Variants in DSTYK observed in about 807,000 individuals in gnomAD.
DSTYK encodes dual serine/threonine and tyrosine protein kinase.
A neutral mutation model predicts 98.7 loss-of-function variants in DSTYK; 34 were observed. The ratio of observed to expected loss-of-function variants is 0.34; its 90% CI spans 0.26 to 0.46. The LOEUF is 0.46. DSTYK is among the 20% of genes least tolerant of loss of function. DSTYK has a pLI of 1.00. For synonymous variants in DSTYK, 462 were observed against 457.3 expected, an observed-to-expected ratio of 1.01 and a Z score of -0.13; for missense variants, 962 against 1,181.7, an observed-to-expected ratio of 0.81 and a Z score of 2.73.
At chr1:205,211,219 G>C in intron 1 of DSTYK, 52 bp downstream of exon 1, 1 of 1,533,578 alleles carries the variant, frequency 6.5e-7, no homozygotes, top group South Asian at 1.2e-5. Flanking sequence ...GGTGCGGTCC[G>C]TCCTCCGATT....
chr1:205,157,211 C>A (rs963007114), intron 10 of DSTYK, 62 bp downstream of exon 10: 2 of 1,403,462 alleles, frequency 1.4e-6, no homozygotes, highest in Non-Finnish European at 1.0e-6. Flanking sequence ...TTTACATGTA[C>A]CCTCCAAAAT....
At chr1:205,204,607 T>C (rs936160788) in intron 1 of DSTYK, among the ~76,000 whole-genome samples, 2 of 152,200 alleles carry the variant, frequency 1.3e-5, no homozygotes, top group Non-Finnish European at 2.9e-5. Flanking sequence ...TTTATTGAGA[T>C]ATAATTCACC....
chr1:205,189,781 G>A (rs967065124), intron 1 of DSTYK, among the ~76,000 whole-genome samples: 3 of 152,084 alleles, frequency 2.0e-5, no homozygotes, highest in Non-Finnish European at 2.9e-5. Flanking sequence ...AGCCTGGCCC[G>A]CACATATACA....
intron 6 of DSTYK, 77 bp from the exon 7 acceptor site, chr1:205,161,464 A>G (rs1178109955): frequency 5.0e-6 from 7 of 1,406,070 alleles, no homozygotes; most frequent in Non-Finnish European, 6.9e-6. Flanking sequence ...CAGGGATAAT[A>G]ATATCTACTT....
intron 4 of DSTYK, among the ~76,000 whole-genome samples, chr1:205,163,478 CA>C (rs1657795474): frequency 6.6e-6 from 1 of 152,242 alleles, no homozygotes; most frequent in Non-Finnish European, 1.5e-5. Flanking sequence ...CTCAGCCTCC[CA>C]AAGTGCTGGG....
intron 7 of DSTYK, 53 bp downstream of exon 7, chr1:205,161,205 T>A: frequency 6.2e-7 from 1 of 1,600,264 alleles, no homozygotes; most frequent in Admixed American, 1.7e-5. Context: ...GACATAAGAA[T>A]GTCAGGTATC....
At chr1:205,164,051 GTGA>G in intron 3 of DSTYK, 96 bp from the exon 4 acceptor site, 1 of 998,922 alleles carries the variant, frequency 1.0e-6, no homozygotes, top group Non-Finnish European at 1.5e-6. Flanking sequence ...TGGAACTACC[GTGA>G]TGATGATGGC....
Position 205,143,054 on chromosome 1 carries a change from T to C in DSTYK, c.*4504A>G, listed in dbSNP as rs576646318. ...CCTCCAGGAGAGTTTGGAATACAAG[T>C]GTCTCAAGGCCACTCCCTCCTTACC... On this transcript the variant is annotated 3_prime_UTR_variant, in exon 13 of 13. Coordinates refer to ENST00000367162, the MANE Select transcript of DSTYK (RefSeq NM_015375.3). 6.6e-6 allele frequency: 1 copy of C among 152,270 alleles called. No individual in the cohort carries two copies. Among genetic ancestry groups the C allele is most frequent in the East Asian group, 1.9e-4 (1 of 5,184 alleles). The allele number at this position is 152,270 out of a possible 1,614,324, so 9.4% of individuals were successfully genotyped here.
intron 12 of DSTYK, 116 bp from the exon 13 acceptor site, chr1:205,147,861 G>A: frequency 9.6e-7 from 1 of 1,041,988 alleles, no homozygotes; most frequent in South Asian, 1.7e-5. Context: ...AGAATGCAAG[G>A]AGTTTTGACT....
rs1657253321 is a variant in DSTYK at position 205,146,887 on chromosome 1, T to C, written c.*671A>G. 1 of 151,332 alleles carries C rather than the reference T, an allele frequency of 6.6e-6. No homozygotes were observed. Among genetic ancestry groups the C allele is most frequent in the Non-Finnish European group, 1.5e-5 (1 of 67,846 alleles). The allele number at this position is 151,332 out of a possible 1,614,324, so 9.4% of individuals were successfully genotyped here. On this transcript the variant is annotated 3_prime_UTR_variant, in exon 13 of 13. Coordinates refer to ENST00000367162, the MANE Select transcript of DSTYK (RefSeq NM_015375.3). Reference sequence around the variant, plus strand: ...TGCCTGGCCTCTTTTTTTTTTTTTTTCCTCTTTTCAGGGCCTCTTGGTGAT... The same window carrying C: ...TGCCTGGCCTCTTTTTTTTTTTTTTCCCTCTTTTCAGGGCCTCTTGGTGAT...
In DSTYK at chr1:205,143,738, T is replaced by C. The variant is rs978516747; in HGVS notation, c.*3820A>G. 2 of 152,600 alleles carry C rather than the reference T, an allele frequency of 1.3e-5. No individual in the cohort carries two copies. The highest frequency in any genetic ancestry group is 2.9e-5 in the Non-Finnish European group (2 of 68,042). The allele number at this position is 152,600 out of a possible 1,614,324, so 9.5% of individuals were successfully genotyped here. A position where few individuals can be genotyped will look rare whatever the true frequency, so the allele number is the denominator to read the frequency against. ...CACTTCTTCCATGAGGAAGAACACT[T>C]TGTGACCCTTCTTTGGCAGCTCAAG... On this transcript the variant is annotated 3_prime_UTR_variant, in exon 13 of 13. Transcript: ENST00000367162.
chr1:205,172,568 G>A (rs530503547), intron 2 of DSTYK, among the ~76,000 whole-genome samples: 2 of 151,734 alleles, frequency 1.3e-5, no homozygotes, highest in Non-Finnish European at 2.9e-5. Flanking sequence ...CTGCGCCTCA[G>A]CCTCCCAAAG....
rs1402053358 is a variant in DSTYK, at chr1:205,143,983, T to G, written c.*3575A>C. On this transcript the variant is annotated 3_prime_UTR_variant, in exon 13 of 13. Transcript: ENST00000367162. ...CTGGGAACAACCAGCACAGTCCTCCTGAAGCGCTTGCTCAGTCAATGAGCT... is the reference window on the plus strand; with the variant it reads ...CTGGGAACAACCAGCACAGTCCTCCGGAAGCGCTTGCTCAGTCAATGAGCT... 1 of 152,654 alleles carries G rather than the reference T, an allele frequency of 6.6e-6. No individual in the cohort carries two copies. The allele number at this position is 152,654 out of a possible 1,614,324, so 9.5% of individuals were successfully genotyped here. A position where few individuals can be genotyped will look rare whatever the true frequency, so the allele number is the denominator to read the frequency against.
At chr1:205,155,324 A>G (rs553521672) in intron 10 of DSTYK, among the ~76,000 whole-genome samples, 91 of 152,194 alleles carry the variant, frequency 6.0e-4, no homozygotes, top group African/African-American at 2.1e-3. Context: ...AAGAGGAGGC[A>G]GAGCATAATA....
Position 205,211,369 on chromosome 1 carries a change from T to C in DSTYK, c.167A>G (p.Lys56Arg), listed in dbSNP as rs1039031767. The part of the protein sequence containing the change: ...RETQKFFRDI[K>R]CSHNHTCLSS... Reference sequence around the variant, plus strand: ...GAGACAAGTGTGGTTGTGGGAGCACTTGATGTCGCGGAAGAACTTCTGGGT... The same window carrying C: ...GAGACAAGTGTGGTTGTGGGAGCACCTGATGTCGCGGAAGAACTTCTGGGT... The change falls in exon 1 of 13, where the codon AAG becomes AGG. Residue 56 changes from lysine to arginine, a missense_variant. Around this residue, in one of 4 missense-constraint regions of DSTYK, gnomAD observed 168 missense variants for 120.0 expected, o/e 1.40. Transcript: ENST00000367162. The C allele has an allele frequency of 1.2e-6, 2 of 1,612,456 alleles. No homozygotes were observed. The highest frequency in any genetic ancestry group is 1.7e-6 in the Non-Finnish European group (2 of 1,179,502).
rs2102379380 is a variant in DSTYK, at chr1:205,150,896, G to C, written c.2353-102C>G. On this transcript the variant is annotated intron_variant, in intron 10 of 12. Coordinates refer to ENST00000367162, the MANE Select transcript of DSTYK (RefSeq NM_015375.3). The surrounding 1 kb of genome is among the most constrained non-coding windows in gnomAD (Gnocchi z 4.1). ...TAGGTACCTCAAAGTAGTGTCACTG[G>C]ATAGGATTATGCTCTGAAAATGAGT... is the stretch of plus-strand genomic sequence containing the variant. The C allele has an allele frequency of 9.2e-6, 8 of 871,990 alleles. No homozygotes were observed. In the Admixed American group the frequency reaches 1.6e-4, roughly 18 times the overall value. 54.0% of individuals were successfully genotyped at this position (871,990 alleles called of 1,614,324 possible).
chr1:205,199,643 C>A (rs1264513419), intron 1 of DSTYK, among the ~76,000 whole-genome samples: 1 of 152,166 alleles, frequency 6.6e-6, no homozygotes, highest in Non-Finnish European at 1.5e-5. Context: ...CACGGCACTC[C>A]AGTCAGAGCT....
intron 10 of DSTYK, among the ~76,000 whole-genome samples, chr1:205,151,582 C>T (rs531990357): frequency 1.3e-5 from 2 of 151,896 alleles, no homozygotes; most frequent in South Asian, 4.2e-4. Context: ...CTTCCCACCT[C>T]GGCTTCCTGA....
chr1:205,161,893 T>A, intron 6 of DSTYK, 143 bp downstream of exon 6: 1 of 653,510 alleles, frequency 1.5e-6, no homozygotes, highest in Non-Finnish European at 2.4e-6. Flanking sequence ...TATGTGTGTG[T>A]GTGTATATAT....
Sources: allele counts gnomAD v4.1 joint callset (sites outside exome capture counted in the v4.1 genomes callset), GRCh38; gene constraint gnomAD v4.1.1; regional missense constraint gnomAD v4.1.1; non-coding constraint Gnocchi (gnomAD v3.1); transcripts MANE v1.5; gene names NCBI Gene and HGNC (gene_info 2026-07-23, HGNC 2026-07-21).